ASIC2: variants seen among roughly 807,000 people sequenced by gnomAD.
The protein encoded by ASIC2 is acid-sensing ion channel 2.
ASIC2 carries 25 observed loss-of-function variants against 57.3 expected under a neutral mutation model. The observed-to-expected ratio is 0.44, with a 90% CI of 0.32 to 0.61. The LOEUF is 0.61. ASIC2 is among the 20% of genes least tolerant of loss of function. The probability of loss-of-function intolerance (pLI) is 0.06; values close to 1 mark genes in which losing one functional copy is unlikely to be tolerated. For missense variants in ASIC2, 641 were observed against 738.1 expected (o/e 0.87, Z 1.52); for synonymous variants, 319 against 307.5 (o/e 1.04, Z -0.39).
chr17:33,586,811 C>T (rs75488038), intron 1 of ASIC2, among the ~76,000 whole-genome samples: 1 of 152,218 alleles, frequency 6.6e-6, no homozygotes, highest in Non-Finnish European at 1.5e-5. Flanking sequence ...ATGCTACTTA[C>T]ATCCAGCATT....
chr17:33,295,231 G>A (rs372016760), upstream of ASIC2, among the ~76,000 whole-genome samples: 2 of 152,172 alleles, frequency 1.3e-5, 1 homozygote, highest in Admixed American at 1.3e-4. Context: ...GGGATTTCCT[G>A]TGAATTCTCC....
At chr17:33,941,842 G>C (rs1916198453) in intron 1 of ASIC2, among the ~76,000 whole-genome samples, 1 of 152,150 alleles carries the variant, frequency 6.6e-6, no homozygotes. Context: ...ACCAGGACAG[G>C]GCAGGATGCT....
intron 1 of ASIC2, among the ~76,000 whole-genome samples, chr17:34,145,174 A>G (rs532606973): frequency 1.3e-5 from 2 of 151,898 alleles, no homozygotes; most frequent in South Asian, 4.2e-4. Context: ...CCCACTTCCC[A>G]CACTTTCTCT....
intron 1 of ASIC2, among the ~76,000 whole-genome samples, chr17:33,807,167 G>A (rs1320903305): frequency 6.6e-6 from 1 of 152,184 alleles, no homozygotes; most frequent in Non-Finnish European, 1.5e-5. Context: ...CACCCCACTT[G>A]AGAGGTACTT....
At chr17:34,062,080 G>C (rs1010679598) in intron 1 of ASIC2, among the ~76,000 whole-genome samples, 2 of 152,004 alleles carry the variant, frequency 1.3e-5, no homozygotes, top group Admixed American at 1.3e-4. Flanking sequence ...CATTCTATTC[G>C]ACAGTGCATG....
At chr17:33,187,822 C>T (rs1251378829) in intron 1 of ASIC2, among the ~76,000 whole-genome samples, 1 of 144,656 alleles carries the variant, frequency 6.9e-6, no homozygotes, top group Non-Finnish European at 1.5e-5. Context: ...GGCCCCCAAA[C>T]ATTTAAAGGA....
At chr17:33,026,024 C>A (rs760504096) in intron 4 of ASIC2, 42 bp from the exon 5 acceptor site, 2 of 1,603,934 alleles carry the variant, frequency 1.2e-6, no homozygotes, top group South Asian at 2.2e-5. Flanking sequence ...CAGGCAGGAA[C>A]ATTCATGTCA....
chr17:33,924,031 G>A (rs140056883), intron 1 of ASIC2, among the ~76,000 whole-genome samples: 99 of 152,286 alleles, frequency 6.5e-4, no homozygotes, highest in African/African-American at 2.3e-3. Flanking sequence ...CTGAATCCCT[G>A]GCCCCTGCTC....
At chr17:33,386,752 C>T (rs1597709016) in intron 1 of ASIC2, among the ~76,000 whole-genome samples, 1 of 152,122 alleles carries the variant, frequency 6.6e-6, no homozygotes, top group East Asian at 1.9e-4. Context: ...AGAGTGGCCC[C>T]TTCTGATCTC....
intron 3 of ASIC2, among the ~76,000 whole-genome samples, chr17:33,035,934 G>A (rs2091907110): frequency 6.6e-6 from 1 of 152,128 alleles, no homozygotes. Flanking sequence ...TTAACTTAAT[G>A]CCTGCTGATT....
At chr17:33,637,632 A>G (rs1906413879) in intron 1 of ASIC2, among the ~76,000 whole-genome samples, 1 of 152,212 alleles carries the variant, frequency 6.6e-6, no homozygotes, top group Non-Finnish European at 1.5e-5. Context: ...AACACAATAA[A>G]TATACACAAT....
At chr17:33,690,523 A>G (rs1424581062) in intron 1 of ASIC2, among the ~76,000 whole-genome samples, 1 of 152,136 alleles carries the variant, frequency 6.6e-6, no homozygotes, top group Non-Finnish European at 1.5e-5. Flanking sequence ...CCAATATGCA[A>G]GCTCTTATTA....
At chr17:33,842,761 A>G (rs1002682474) in intron 1 of ASIC2, among the ~76,000 whole-genome samples, 12 of 152,232 alleles carry the variant, frequency 7.9e-5, no homozygotes, top group Admixed American at 7.8e-4. Context: ...TTGGACAGTG[A>G]GAGAGGCAAG....
rs547724888 is a variant in ASIC2, at chr17:33,129,936, C to T, written c.709-17869G>A. On this transcript the variant is annotated intron_variant, in intron 1 of 9. Coordinates refer to ENST00000225823, the MANE Select transcript of ASIC2 (RefSeq NM_183377.2). ...TTTTCCTGCCCAGCCCGCCACTGGGCGGCTGAACAGCGGCGGCCACTGGGC... is the reference window on the plus strand; with the variant it reads ...TTTTCCTGCCCAGCCCGCCACTGGGTGGCTGAACAGCGGCGGCCACTGGGC... Among the ~76,000 whole-genome samples the T allele has an allele frequency of 1.1e-3, 164 of 152,330 alleles. 1 individual carries two copies. Among genetic ancestry groups the T allele is most frequent in the Non-Finnish European group, 2.0e-3 (136 of 68,022 alleles).
intron 1 of ASIC2, among the ~76,000 whole-genome samples, chr17:33,370,036 A>G (rs1282997180): frequency 6.6e-6 from 1 of 152,124 alleles, no homozygotes; most frequent in Non-Finnish European, 1.5e-5. Flanking sequence ...AGGGCCAGAG[A>G]TGATGCAACC....
At chr17:33,188,607 T>A (rs1906295198) in intron 1 of ASIC2, among the ~76,000 whole-genome samples, 1 of 152,030 alleles carries the variant, frequency 6.6e-6, no homozygotes, top group South Asian at 2.1e-4. Flanking sequence ...AAGATAAAAA[T>A]GAAAGCAGAC....
chr17:33,090,414 A>G (rs1043078528), intron 2 of ASIC2, among the ~76,000 whole-genome samples: 1 of 152,232 alleles, frequency 6.6e-6, no homozygotes, highest in South Asian at 2.1e-4. Flanking sequence ...GGCTAGGCAT[A>G]CACCAGGCAC....
intron 1 of ASIC2, among the ~76,000 whole-genome samples, chr17:33,498,437 G>A (rs986838255): frequency 6.6e-6 from 1 of 152,250 alleles, no homozygotes; most frequent in Non-Finnish European, 1.5e-5. Context: ...GGGTGAGTGA[G>A]TGTTATGCCC....
intron 1 of ASIC2, among the ~76,000 whole-genome samples, chr17:33,677,161 C>T (rs1212833132): frequency 6.6e-6 from 1 of 152,164 alleles, no homozygotes; most frequent in Non-Finnish European, 1.5e-5. Context: ...ATATAGGTGG[C>T]TACACTAAAC....
Sources: gnomAD v4.1 joint callset for allele counts (sites outside exome capture counted in the v4.1 genomes callset) on GRCh38, gnomAD v4.1.1 for gene constraint, MANE v1.5 for transcripts, NCBI Gene and HGNC (gene_info 2026-07-23, HGNC 2026-07-21) for gene names.